Variants in MARF1 observed in about 807,000 individuals in gnomAD.
MARF1 encodes meiosis regulator and mRNA stability factor 1.
In MARF1, 24 loss-of-function variants were observed where a neutral mutation model predicts 168.2. The observed-to-expected ratio is 0.14, with a 90% confidence interval of 0.10 to 0.20. The LOEUF (loss-of-function observed/expected upper bound fraction) is 0.20, where lower values mean the gene tolerates loss of function less well. MARF1 is among the 10% of genes least tolerant of loss of function. The pLI, the probability that MARF1 is intolerant of heterozygous loss-of-function variation, is 1.00. For missense variants in MARF1, 1,744 were observed against 2,143.6 expected, an observed-to-expected ratio of 0.81 and a Z score of 3.68; for synonymous variants, 868 against 822.4, an observed-to-expected ratio of 1.06 and a Z score of -0.95.
chr16:15,632,290 A>G (rs2035304831), intron 5 of MARF1, among the ~76,000 whole-genome samples: 1 of 152,258 alleles, frequency 6.6e-6, no homozygotes, highest in Admixed American at 6.5e-5. Context: ...TGACTAAAAT[A>G]AGATTTAAGG....
rs781369434 is a variant in MARF1, at chr16:15,596,656, G to A, written c.*37C>T. The A allele has an allele frequency of 2.0e-6, 3 of 1,536,558 alleles. No homozygotes were observed. Among genetic ancestry groups the A allele is most frequent in the Admixed American group, 2.0e-5 (1 of 49,736 alleles). ...CCACTTTTGTGTGCAGAATCAGACA[G>A]TGTTTTCCCATCCTAATTCTATATT... On this transcript the variant is annotated 3_prime_UTR_variant, in exon 27 of 27. Coordinates refer to ENST00000396368, the MANE Select transcript of MARF1 (RefSeq NM_014647.4).
rs752713004 is a variant in MARF1, at chr16:15,617,426, G to A, written c.2830C>T (p.Arg944Cys). The A allele has an allele frequency of 5.0e-6, 8 of 1,614,058 alleles. No homozygotes were observed. The highest frequency in any genetic ancestry group is 2.2e-5 in the East Asian group (1 of 44,866). ...LVCLLPSSQA[R>C]QSPLGSSQSH... Reference sequence around the variant, plus strand: ...TGGGAAGACCCCAAGGGGCTCTGGCGGGCCTGACTGCTGGGTAGGAGACAC... The same window carrying A: ...TGGGAAGACCCCAAGGGGCTCTGGCAGGCCTGACTGCTGGGTAGGAGACAC... Residue 944 changes from arginine (R) to cysteine (C), a missense_variant, in exon 14 of 27, where the codon CGC becomes TGC. By Grantham distance (180) the Arg-to-Cys change is radical (BLOSUM62 -3). Transcript: ENST00000396368.
chr16:15,636,954 G>T (rs751096223), intron 2 of MARF1, among the ~76,000 whole-genome samples: 1 of 152,158 alleles, frequency 6.6e-6, no homozygotes, highest in Non-Finnish European at 1.5e-5. Flanking sequence ...CCAGTGAAAA[G>T]ATTTAGAGAA....
intron 11 of MARF1, 50 bp from the exon 12 acceptor site, chr16:15,621,961 TC>T: frequency 1.9e-6 from 3 of 1,566,970 alleles, no homozygotes; most frequent in Non-Finnish European, 2.6e-6. Context: ...CAGAACCCTG[TC>T]GTCTTAAAAC....
At chr16:15,614,346 G>C (rs1178781383) in intron 16 of MARF1, among the ~76,000 whole-genome samples, 1 of 150,334 alleles carries the variant, frequency 6.7e-6, no homozygotes, top group African/African-American at 2.4e-5. Flanking sequence ...AGCCGGGCGT[G>C]GTGGCAGGCG....
chr16:15,608,717 G>C, intron 20 of MARF1, 199 bp from the exon 21 acceptor site: 5 of 570,816 alleles, frequency 8.8e-6, no homozygotes, highest in Non-Finnish European at 9.3e-6. Context: ...TACTGGACAG[G>C]AGATATAAAG....
At chr16:15,601,382 A>G (rs2032408172) in intron 23 of MARF1, 1 of 281,646 alleles carries the variant, frequency 3.6e-6, no homozygotes, top group African/African-American at 2.2e-5. Flanking sequence ...CGGCTCTACC[A>G]TGGACAGCAC....
chr16:15,642,181 T>C (rs990197119), intron 1 of MARF1, among the ~76,000 whole-genome samples: 2 of 152,168 alleles, frequency 1.3e-5, no homozygotes, highest in Admixed American at 6.6e-5. Context: ...CCCAATCTAG[T>C]CTTTGACCCC....
chr16:15,599,043 C>A lies in MARF1; in HGVS notation c.4814-19G>T. 1.2e-6 allele frequency: 2 copies of A among 1,604,590 alleles called. No homozygotes were observed. The highest frequency in any genetic ancestry group is 1.7e-5 in the Admixed American group (1 of 58,014). On this transcript the variant is annotated intron_variant, in intron 25 of 26. Coordinates refer to ENST00000396368, the MANE Select transcript of MARF1 (RefSeq NM_014647.4). ...CTGGGCCCTGGGCAAACAAGGAGGG[C>A]CGTGACACCACAGGACCTCCACGCC...
At chr16:15,600,574 G>A (rs1179807721) in intron 24 of MARF1, 21 bp from the exon 25 acceptor site, 7 of 1,614,212 alleles carry the variant, frequency 4.3e-6, no homozygotes, top group East Asian at 2.2e-5. Context: ...AAGAGCACCC[G>A]TCAGAGAGAA....
Position 15,630,317 on chromosome 16 carries a change from C to T in MARF1, c.1524+15G>A, listed in dbSNP as rs544558739. 12 of 1,587,078 alleles carry T rather than the reference C, an allele frequency of 7.6e-6. No homozygotes were observed. Among genetic ancestry groups the T allele is most frequent in the East Asian group, 2.3e-5 (1 of 43,970 alleles). ...TAATATTGGAAAATGGCAAAAATAA[C>T]GCAAACCCACTTACTGGCATTTTTA... On this transcript the variant is annotated intron_variant, in intron 7 of 26. Coordinates refer to ENST00000396368, the MANE Select transcript of MARF1 (RefSeq NM_014647.4).
chr16:15,639,410 C>A (rs189238096), intron 1 of MARF1, 119 bp from the exon 2 acceptor site: 3 of 695,888 alleles, frequency 4.3e-6, no homozygotes, highest in South Asian at 4.1e-5. Flanking sequence ...CAATTCAAAT[C>A]TTTGTTTCAA....
rs895568068 is a variant in MARF1, at chr16:15,616,065, G to A, written c.3078-60C>T. 5.5e-5 allele frequency: 74 copies of A among 1,341,476 alleles called. No individual in the cohort carries two copies. The Middle Eastern group carries it at 7.9e-4, about 14-fold the overall frequency. 83.1% of individuals were successfully genotyped at this position (1,341,476 alleles called of 1,614,324 possible). The stretch of plus-strand genomic sequence containing the variant: ...TTAAATCAAAATAACAGAAAAGGAG[G>A]CGCTTGCTAAACAGAAGGCTTTGGT... On this transcript the variant is annotated intron_variant, in intron 15 of 26. Coordinates refer to ENST00000396368, the MANE Select transcript of MARF1 (RefSeq NM_014647.4).
chr16:15,600,349 TTCCC>T lies in MARF1; in HGVS notation c.4813+75_4813+78del. On this transcript the variant is annotated intron_variant, in intron 25 of 26. Transcript: ENST00000396368. The stretch of plus-strand genomic sequence containing the variant: ...AGATTGGATGACTTGCTGGAGTCCT[TTCCC>T]TCGCTCTCCCCGACCCCAAAGCCGT... 3 of 1,583,280 alleles carry T rather than the reference TTCCC, an allele frequency of 1.9e-6. No individual in the cohort carries two copies. In the South Asian group the frequency reaches 3.4e-5, roughly 18 times the overall value.
At chr16:15,618,413 C>G (rs559180857) in intron 13 of MARF1, among the ~76,000 whole-genome samples, 10 of 152,204 alleles carry the variant, frequency 6.6e-5, no homozygotes, top group Non-Finnish European at 1.2e-4. Context: ...AAACATCCAG[C>G]TGCTCAGGAG....
chr16:15,621,419 G>C, intron 12 of MARF1: 1 of 328,284 alleles, frequency 3.0e-6, no homozygotes, highest in Non-Finnish European at 5.5e-6. Flanking sequence ...AAGATCTCAA[G>C]GTAATATTTT....
rs934325356 is a variant in MARF1, at chr16:15,594,457, CAA to C, written c.*2234_*2235del. ...ACACAAAACAGCACTTGAACCACAA[CAA>C]AAGTGTTCAAACAAAGTAGACAACT... On this transcript the variant is annotated 3_prime_UTR_variant, in exon 27 of 27. Transcript: ENST00000396368. 8 of 152,564 alleles carry C rather than the reference CAA, an allele frequency of 5.2e-5. No individual in the cohort carries two copies. Among genetic ancestry groups the C allele is most frequent in the Admixed American group, 2.6e-4 (4 of 15,284 alleles). The allele number at this position is 152,564 out of a possible 1,614,324, so 9.5% of individuals were successfully genotyped here.
chr16:15,629,950 A>C (rs555993046), intron 7 of MARF1, among the ~76,000 whole-genome samples: 1 of 152,196 alleles, frequency 6.6e-6, no homozygotes, highest in Non-Finnish European at 1.5e-5. Flanking sequence ...TTTGGTGCCA[A>C]CCACACAAGT....
At chr16:15,636,754 G>C (rs559291949) in intron 2 of MARF1, among the ~76,000 whole-genome samples, 7 of 152,192 alleles carry the variant, frequency 4.6e-5, no homozygotes, top group Non-Finnish European at 8.8e-5. Context: ...ACAGTGGTTT[G>C]AGGACAATAC....
Sources: gnomAD v4.1 joint callset for allele counts (sites outside exome capture counted in the v4.1 genomes callset) on GRCh38, gnomAD v4.1.1 for gene constraint, MANE v1.5 for transcripts, NCBI Gene and HGNC (gene_info 2026-07-23, HGNC 2026-07-21) for gene names.